MYBL2: variants seen among roughly 807,000 people sequenced by gnomAD.
MYBL2 encodes MYB proto-oncogene like 2.
MYBL2 carries 28 observed loss-of-function variants against 79.9 expected under a neutral mutation model. The ratio of observed to expected loss-of-function variants is 0.35; its 90% CI spans 0.26 to 0.48. MYBL2 has a LOEUF of 0.48. Ranked by LOEUF, MYBL2 falls within the 20% of genes least tolerant of loss-of-function variation. MYBL2 has a pLI of 0.99. For missense variants in MYBL2, 735 were observed against 893.9 expected (o/e 0.82, Z 2.27); for synonymous variants, 378 against 361.2 (o/e 1.05, Z -0.53).
intron 7 of MYBL2, 87 bp from the exon 8 acceptor site, chr20:43,702,403 T>G: frequency 7.1e-7 from 1 of 1,416,764 alleles, no homozygotes. Flanking sequence ...GGGATCATAC[T>G]TGACACTTAA....
In MYBL2 at chr20:43,676,698, GT is replaced by G. The variant is rs1987017511; in HGVS notation, c.114+2800del. 3.3e-5 allele frequency among the ~76,000 whole-genome samples: 5 copies of G among 152,140 alleles called. No individual in the cohort carries two copies. In the South Asian group the frequency reaches 1.0e-3, roughly 32 times the overall value. ...GAAGATAGGTATGGTCATGGGGTAG[GT>G]GTATGTTTAGTTTTACAGAAACTGC... On this transcript the variant is annotated intron_variant, in intron 2 of 13. Transcript: ENST00000217026.
At chr20:43,708,056 TCTC>T (rs1987829757) in intron 9 of MYBL2, among the ~76,000 whole-genome samples, 1 of 152,228 alleles carries the variant, frequency 6.6e-6, no homozygotes, top group African/African-American at 2.4e-5. Context: ...GCATTTTTTA[TCTC>T]CAAGCAATCT....
intron 6 of MYBL2, among the ~76,000 whole-genome samples, chr20:43,693,957 A>G (rs925347153): frequency 1.4e-4 from 22 of 152,118 alleles, no homozygotes; most frequent in Non-Finnish European, 2.8e-4. Context: ...CTGAGGTGGA[A>G]GGATTATTTG....
intron 2 of MYBL2, among the ~76,000 whole-genome samples, chr20:43,679,297 A>G (rs1319367804): frequency 6.6e-6 from 1 of 152,242 alleles, no homozygotes; most frequent in Non-Finnish European, 1.5e-5. Context: ...GTCTAGGAGC[A>G]TGTATACATA....
intron 12 of MYBL2, among the ~76,000 whole-genome samples, chr20:43,714,212 G>T (rs2145737500): frequency 6.6e-6 from 1 of 152,270 alleles, no homozygotes; most frequent in South Asian, 2.1e-4. Context: ...CCAAGCCTAA[G>T]TCAGGAGGGC....
chr20:43,711,653 C>A, intron 11 of MYBL2, 52 bp downstream of exon 11: 2 of 1,508,036 alleles, frequency 1.3e-6, no homozygotes, highest in South Asian at 1.2e-5. Flanking sequence ...GGAGCCGTGG[C>A]ATGGGGGAGG....
intron 6 of MYBL2, among the ~76,000 whole-genome samples, chr20:43,696,648 G>T (rs1274395708): frequency 6.6e-6 from 1 of 152,290 alleles, no homozygotes; most frequent in African/African-American, 2.4e-5. Flanking sequence ...CCATTATATT[G>T]TCAAACATCT....
chr20:43,711,440 C>G (rs879111670), intron 10 of MYBL2, 48 bp from the exon 11 acceptor site: 2 of 1,487,512 alleles, frequency 1.3e-6, no homozygotes, highest in Non-Finnish European at 1.8e-6. Flanking sequence ...CACACACACA[C>G]AGCCCGAGTG....
At position 43,702,907 on chromosome 20, in the gene MYBL2, C is replaced by T. The variant is rs778700965; in HGVS notation, c.1365+4C>T. 6 of 1,580,854 alleles carry T rather than the reference C, an allele frequency of 3.8e-6. No individual in the cohort carries two copies. The highest frequency in any genetic ancestry group is 5.2e-6 in the Non-Finnish European group (6 of 1,157,082). On this transcript the variant is annotated splice_donor_region_variant and intron_variant, in intron 8 of 13. Transcript: ENST00000217026. ...CCTGCCCTTCTCGCCCTCCCAGGTG[C>T]GTGGACCCCACTCTGGCTGCTTATT...
chr20:43,682,655 C>G (rs2145714656), intron 3 of MYBL2, 139 bp from the exon 4 acceptor site: 1 of 719,472 alleles, frequency 1.4e-6, no homozygotes, highest in Non-Finnish European at 2.4e-6. Context: ...TGAGTGGTGG[C>G]TGCATGGAAC....
rs1277163987 is a variant in MYBL2, at chr20:43,667,253, G to A, written c.-31G>A. On this transcript the variant is annotated 5_prime_UTR_variant, in exon 1 of 14. Coordinates refer to ENST00000217026, the MANE Select transcript of MYBL2 (RefSeq NM_002466.4). ...CCCGCTCCGGGCTCTGCCGGCGGGC[G>A]GGCGAGCGCGGCGCGGTCCGGGCCG... The A allele has an allele frequency of 1.3e-5, 16 of 1,216,912 alleles. No individual in the cohort carries two copies. The highest frequency in any genetic ancestry group is 4.3e-5 in the Admixed American group (1 of 23,122). The allele number at this position is 1,216,912 out of a possible 1,614,324, so 75.4% of individuals were successfully genotyped here. A position where few individuals can be genotyped will look rare whatever the true frequency, so the allele number is the denominator to read the frequency against.
intron 2 of MYBL2, 70 bp from the exon 3 acceptor site, chr20:43,681,714 T>G (rs1987146839): frequency 3.3e-6 from 5 of 1,498,554 alleles, no homozygotes; most frequent in Admixed American, 1.7e-5. Context: ...TAGATTGGGC[T>G]CTGTCACGGG....
intron 11 of MYBL2, among the ~76,000 whole-genome samples, chr20:43,712,516 G>A (rs533888828): frequency 6.6e-5 from 10 of 152,150 alleles, no homozygotes; most frequent in East Asian, 3.9e-4. Flanking sequence ...CCCTGGTATC[G>A]GAGCAGGCCC....
chr20:43,698,181 T>A (rs1987594548), intron 6 of MYBL2, among the ~76,000 whole-genome samples: 2 of 151,342 alleles, frequency 1.3e-5, no homozygotes, highest in South Asian at 4.1e-4. Flanking sequence ...TTTTTCTTTA[T>A]TTTATAAAGG....
At chr20:43,711,812 A>T (rs561052631) in intron 11 of MYBL2, among the ~76,000 whole-genome samples, 1 of 152,266 alleles carries the variant, frequency 6.6e-6, no homozygotes, top group South Asian at 2.1e-4. Context: ...GCTTTGAAGG[A>T]TTCACTTACT....
chr20:43,702,385 TG>T, intron 7 of MYBL2, 104 bp from the exon 8 acceptor site: 7 of 1,243,800 alleles, frequency 5.6e-6, no homozygotes, highest in Admixed American at 4.4e-5. Flanking sequence ...TGATTGGTCC[TG>T]GGCTGTGGGA....
At chr20:43,693,490 C>T (rs1303327169) in intron 6 of MYBL2, among the ~76,000 whole-genome samples, 1 of 152,070 alleles carries the variant, frequency 6.6e-6, no homozygotes, top group East Asian at 1.9e-4. Flanking sequence ...AGGTGCACAC[C>T]ACCATGCCTG....
intron 4 of MYBL2, among the ~76,000 whole-genome samples, chr20:43,683,840 C>T (rs1452402357): frequency 2.0e-5 from 3 of 152,030 alleles, no homozygotes; most frequent in Admixed American, 6.6e-5. Flanking sequence ...AGACGTGAGC[C>T]ACCGTGCCTG....
chr20:43,672,070 G>A (rs1198250218), intron 1 of MYBL2, among the ~76,000 whole-genome samples: 4 of 151,964 alleles, frequency 2.6e-5, no homozygotes, highest in African/African-American at 9.7e-5. Flanking sequence ...AATTAGCCGG[G>A]CGCGGTGGCA....
Sources: gnomAD v4.1 joint callset for allele counts (sites outside exome capture counted in the v4.1 genomes callset) on GRCh38, gnomAD v4.1.1 for gene constraint, MANE v1.5 for transcripts, NCBI Gene and HGNC (gene_info 2026-07-23, HGNC 2026-07-21) for gene names.